Variants in BLTP1 observed in about 807,000 individuals in gnomAD.
BLTP1 encodes the protein bridge-like lipid transfer protein family member 1.
the BLTP1 span, chr4:122,344,965 G>T: frequency 1.0e-6 from 1 of 984,782 alleles, no homozygotes. Context: ...TATACTGCTG[G>T]TTTTATAAAC....
chr4:122,219,289 A>G, the BLTP1 span: 4 of 1,585,382 alleles, frequency 2.5e-6, no homozygotes, highest in South Asian at 3.5e-5. Flanking sequence ...AGGTGAAAAT[A>G]TATTTACATA....
chr4:122,353,172 C>G, the BLTP1 span: 2 of 1,609,748 alleles, frequency 1.2e-6, no homozygotes, highest in Non-Finnish European at 1.7e-6. The surrounding 1 kb of genome is among the most constrained non-coding windows in gnomAD (Gnocchi z 4.3). Context: ...TGACACATTT[C>G]CAGCTTTTAC....
the BLTP1 span, chr4:122,271,716 G>T: frequency 6.4e-7 from 1 of 1,557,598 alleles, no homozygotes; most frequent in South Asian, 1.2e-5. Flanking sequence ...GAAACATTTG[G>T]ACCAGCAGGT....
At chr4:122,340,647 T>C in the BLTP1 span, 2 of 848,086 alleles carry the variant, frequency 2.4e-6, no homozygotes, top group South Asian at 1.1e-4. Flanking sequence ...CACAACAAAA[T>C]TGGAAAACAA....
chr4:122,252,924 TG>T, the BLTP1 span, among the ~76,000 whole-genome samples: 1 of 152,192 alleles, frequency 6.6e-6, no homozygotes, highest in South Asian at 2.1e-4. Context: ...CTTGTGTCAC[TG>T]CACCAGCTCC....
the BLTP1 span, chr4:122,219,493 C>A: frequency 6.2e-7 from 1 of 1,613,712 alleles, no homozygotes; most frequent in Non-Finnish European, 8.5e-7. Context: ...CAAGTCAATT[C>A]ATCCACTTGC....
chr4:122,237,666 AT>A, the BLTP1 span: 1 of 746,948 alleles, frequency 1.3e-6, no homozygotes, highest in Non-Finnish European at 1.6e-6. Context: ...ATGTAGATAT[AT>A]TTCTAAAACG....
the BLTP1 span, among the ~76,000 whole-genome samples, chr4:122,156,607 A>G: frequency 1.3e-5 from 2 of 152,260 alleles, no homozygotes. Context: ...TGAAATAGCT[A>G]ATGTCATTTA....
chr4:122,207,530 T>TTTA, the BLTP1 span: 2 of 1,553,754 alleles, frequency 1.3e-6, no homozygotes, highest in Non-Finnish European at 1.7e-6. Context: ...TTTTTTTTTT[T>TTTA]TCTTTTGTAG....
the BLTP1 span, chr4:122,304,959 A>G: frequency 9.9e-6 from 16 of 1,613,732 alleles, no homozygotes; most frequent in African/African-American, 2.0e-4. Context: ...TAAATCTGGC[A>G]TTAGGACAAA....
At chr4:122,286,830 C>G in the BLTP1 span, 1 of 1,517,372 alleles carries the variant, frequency 6.6e-7, no homozygotes, top group Non-Finnish European at 9.0e-7. Context: ...ATTTAGGAGT[C>G]TTCAAGATTT....
At chr4:122,245,261 C>T in the BLTP1 span, 15 of 780,230 alleles carry the variant, frequency 1.9e-5, no homozygotes, top group Non-Finnish European at 2.7e-5. Flanking sequence ...GTTCTAAAAG[C>T]GTTTATATGT....
the BLTP1 span, chr4:122,199,302 G>T: frequency 6.3e-7 from 1 of 1,592,058 alleles, no homozygotes; most frequent in Non-Finnish European, 8.6e-7. Context: ...CTAGTCCAAA[G>T]ATGTTTCATT....
At chr4:122,339,169 C>A in the BLTP1 span, 2 of 1,588,000 alleles carry the variant, frequency 1.3e-6, no homozygotes, top group Non-Finnish European at 1.7e-6. Context: ...TTTCTTTTAT[C>A]CAGTTCCTAG....
At chr4:122,301,043 T>G in the BLTP1 span, 1 of 964,414 alleles carries the variant, frequency 1.0e-6, no homozygotes, top group Non-Finnish European at 1.2e-6. Flanking sequence ...TTTTCTGAGA[T>G]GTATAAACAC....
the BLTP1 span, chr4:122,359,433 A>G: frequency 1.4e-5 from 19 of 1,401,768 alleles, no homozygotes; most frequent in Non-Finnish European, 1.8e-5. Context: ...ATTATTTTTA[A>G]GAAATGCAAT....
chr4:122,152,684 G>A, the BLTP1 span: 2 of 963,210 alleles, frequency 2.1e-6, no homozygotes, highest in South Asian at 4.8e-5. Context: ...CTTTGGCTTA[G>A]TAGTGGCTGC....
chr4:122,281,201 C>A, the BLTP1 span: 1 of 533,992 alleles, frequency 1.9e-6, no homozygotes, highest in Non-Finnish European at 2.4e-6. Context: ...GTAGTAATGT[C>A]AATAATATCA....
the BLTP1 span, chr4:122,275,913 A>T: frequency 2.8e-6 from 4 of 1,450,320 alleles, no homozygotes; most frequent in Non-Finnish European, 3.6e-6. Flanking sequence ...TAATTTGTGC[A>T]TGAATGTTTA....
Sources: allele counts gnomAD v4.1 joint callset (sites outside exome capture counted in the v4.1 genomes callset), GRCh38; gene constraint gnomAD v4.1.1; non-coding constraint Gnocchi (gnomAD v3.1); transcripts MANE v1.5; gene names NCBI Gene and HGNC (gene_info 2026-07-23, HGNC 2026-07-21).